SGCZ: variants seen among roughly 807,000 people sequenced by gnomAD.
The protein encoded by SGCZ is zeta-sarcoglycan.
A neutral mutation model predicts 41.3 loss-of-function variants in SGCZ; 40 were observed. That is an observed-to-expected ratio of 0.97 (90% confidence interval 0.75 to 1.26). The LOEUF is 1.26. SGCZ is among the 50% of genes most tolerant of loss of function. The probability of loss-of-function intolerance (pLI) is 0.00; values close to 1 mark genes in which losing one functional copy is unlikely to be tolerated. For missense variants in SGCZ, 552 were observed against 369.8 expected (o/e 1.49, Z -4.04); for synonymous variants, 206 against 137.5 (o/e 1.50, Z -3.49).
At chr8:14,471,645 T>C (rs1037325204) in intron 2 of SGCZ, among the ~76,000 whole-genome samples, 1 of 152,160 alleles carries the variant, frequency 6.6e-6, no homozygotes, top group Non-Finnish European at 1.5e-5. Context: ...ACCACAAATG[T>C]CACATCAGCT....
intron 1 of SGCZ, among the ~76,000 whole-genome samples, chr8:15,234,423 T>C (rs1585702492): frequency 6.6e-6 from 1 of 152,280 alleles, no homozygotes; most frequent in Non-Finnish European, 1.5e-5. Flanking sequence ...TATACATTCA[T>C]TGGAGAGAGA....
chr8:15,177,724 G>A (rs1158418680), intron 1 of SGCZ, among the ~76,000 whole-genome samples: 2 of 152,128 alleles, frequency 1.3e-5, no homozygotes, highest in Non-Finnish European at 2.9e-5. Flanking sequence ...GTATCACTTT[G>A]TTTTATGGCT....
At chr8:15,031,507 C>T in intron 1 of SGCZ, among the ~76,000 whole-genome samples, 1 of 152,178 alleles carries the variant, frequency 6.6e-6, no homozygotes, top group East Asian at 1.9e-4. Context: ...CTCGCCACCC[C>T]TGAAGGACTT....
chr8:14,429,825 T>A (rs1288801948), intron 2 of SGCZ, among the ~76,000 whole-genome samples: 2 of 152,108 alleles, frequency 1.3e-5, no homozygotes, highest in Non-Finnish European at 2.9e-5. Context: ...TATTGCCATT[T>A]CAATCTTGCT....
rs566986543 is a variant in SGCZ, at chr8:14,456,172, G to A, written c.234+98560C>T. ...ACCTGTAATCCCAGGACTTTGGGAAGCTGAGGCAGGCAAATCACCTGAGGT... is the reference window on the plus strand; with the variant it reads ...ACCTGTAATCCCAGGACTTTGGGAAACTGAGGCAGGCAAATCACCTGAGGT... On this transcript the variant is annotated intron_variant, in intron 2 of 7. Coordinates refer to ENST00000382080, the MANE Select transcript of SGCZ (RefSeq NM_139167.4). 2.6e-5 allele frequency among the ~76,000 whole-genome samples: 4 copies of A among 152,278 alleles called. No individual in the cohort carries two copies. The South Asian group carries it at 6.2e-4, about 24-fold the overall frequency.
chr8:14,422,279 G>A (rs564008313), intron 2 of SGCZ, among the ~76,000 whole-genome samples: 2 of 152,204 alleles, frequency 1.3e-5, no homozygotes, highest in Middle Eastern at 3.4e-3. Context: ...GCAATACAAG[G>A]AGTCTGGATC....
In SGCZ at chr8:14,524,573, T is replaced by A. The variant is rs552125929; in HGVS notation, c.234+30159A>T. 1.4e-3 allele frequency among the ~76,000 whole-genome samples: 218 copies of A among 152,272 alleles called. 5 individuals carry two copies. Among genetic ancestry groups the A allele is most frequent in the South Asian group, 0.012 (57 of 4,824 alleles). The stretch of plus-strand genomic sequence containing the variant: ...TTACATGGGAAATTATAAACATACA[T>A]TTTAAAAAACATTATTTATAACAAT... On this transcript the variant is annotated intron_variant, in intron 2 of 7. Transcript: ENST00000382080.
intron 1 of SGCZ, among the ~76,000 whole-genome samples, chr8:15,017,725 C>G (rs1803092001): frequency 6.6e-6 from 1 of 152,066 alleles, no homozygotes; most frequent in South Asian, 2.1e-4. Context: ...AAGCTGGTCT[C>G]AAATTCCTGG....
chr8:14,654,374 C>A (rs1044524941), intron 1 of SGCZ, among the ~76,000 whole-genome samples: 2 of 152,002 alleles, frequency 1.3e-5, no homozygotes, highest in Non-Finnish European at 2.9e-5. Flanking sequence ...TTTTACCTAT[C>A]TGTAGAGTGG....
intron 5 of SGCZ, among the ~76,000 whole-genome samples, chr8:14,146,878 T>TA (rs1554467186): frequency 1.5e-5 from 2 of 136,278 alleles, no homozygotes; most frequent in Non-Finnish European, 3.1e-5. Flanking sequence ...TCTCAAAAAA[T>TA]AAAAATAAAA....
At chr8:14,994,348 C>T (rs1468231012) in intron 1 of SGCZ, among the ~76,000 whole-genome samples, 1 of 152,088 alleles carries the variant, frequency 6.6e-6, no homozygotes, top group Non-Finnish European at 1.5e-5. Flanking sequence ...CTTTGGGAGG[C>T]CGAGGCGGGC....
intron 4 of SGCZ, among the ~76,000 whole-genome samples, chr8:14,209,188 C>T (rs1054039466): frequency 1.3e-5 from 2 of 152,184 alleles, no homozygotes; most frequent in African/African-American, 2.4e-5. Context: ...GTTATGTAAA[C>T]GTCACATGTT....
chr8:15,009,360 C>A (rs556395215), intron 1 of SGCZ, among the ~76,000 whole-genome samples: 6 of 152,330 alleles, frequency 3.9e-5, no homozygotes, highest in African/African-American at 1.4e-4. Context: ...AAAAATCTGC[C>A]CCCATGACCC....
chr8:14,643,805 G>A (rs1427793234), intron 1 of SGCZ, among the ~76,000 whole-genome samples: 1 of 151,724 alleles, frequency 6.6e-6, no homozygotes, highest in African/African-American at 2.4e-5. Flanking sequence ...CTAAATTGAA[G>A]GTTGCCTCTA....
intron 3 of SGCZ, among the ~76,000 whole-genome samples, chr8:14,239,704 C>G (rs1235688639): frequency 6.6e-6 from 1 of 151,172 alleles, no homozygotes; most frequent in East Asian, 1.9e-4. Context: ...AGATCGAGAC[C>G]ATCCCGGCTA....
chr8:14,534,675 G>A (rs1223624715), intron 2 of SGCZ, among the ~76,000 whole-genome samples: 3 of 120,536 alleles, frequency 2.5e-5, no homozygotes, highest in African/African-American at 8.4e-5. Context: ...CTTAATGGGA[G>A]GGAAAGGGTA....
At chr8:14,221,863 A>C (rs1806206620) in intron 4 of SGCZ, among the ~76,000 whole-genome samples, 1 of 151,944 alleles carries the variant, frequency 6.6e-6, no homozygotes, top group Non-Finnish European at 1.5e-5. Context: ...CGGGAGACTG[A>C]GGCAGGAAAA....
intron 3 of SGCZ, among the ~76,000 whole-genome samples, chr8:14,255,113 C>T (rs1234895617): frequency 6.6e-6 from 1 of 152,108 alleles, no homozygotes. Context: ...TCCCCCTTAA[C>T]CTTTAAAGTT....
At chr8:15,121,776 A>G (rs1807485723) in intron 1 of SGCZ, among the ~76,000 whole-genome samples, 1 of 152,094 alleles carries the variant, frequency 6.6e-6, no homozygotes, top group Non-Finnish European at 1.5e-5. Flanking sequence ...GACATCATAA[A>G]GTTCAAAAAG....
Sources: allele counts gnomAD v4.1 joint callset (sites outside exome capture counted in the v4.1 genomes callset), GRCh38; gene constraint gnomAD v4.1.1; transcripts MANE v1.5; gene names NCBI Gene and HGNC (gene_info 2026-07-23, HGNC 2026-07-21).